PSD3: variants seen among roughly 807,000 people sequenced by gnomAD.
PSD3 encodes the protein pleckstrin and Sec7 domain containing 3, also known as PH and SEC7 domain-containing protein 3.
PSD3 carries 49 observed loss-of-function variants against 105.5 expected under a neutral mutation model. That is an observed-to-expected ratio of 0.46 (90% CI 0.37 to 0.59). The LOEUF is 0.59. PSD3 is among the 20% of genes least tolerant of loss of function. PSD3 has a pLI of 0.00. For missense variants in PSD3, 1,561 were observed against 1,263.8 expected (o/e 1.24, Z -3.57); for synonymous variants, 557 against 457.8 (o/e 1.22, Z -2.77).
chr8:18,751,515 C>T (rs2129438152), intron 9 of PSD3, among the ~76,000 whole-genome samples: 1 of 152,264 alleles, frequency 6.6e-6, no homozygotes, highest in East Asian at 1.9e-4. Context: ...TAGGCACAGG[C>T]CAAATATCTT....
intron 1 of PSD3, among the ~76,000 whole-genome samples, chr8:18,983,152 C>T (rs1402138893): frequency 1.3e-5 from 2 of 152,208 alleles, no homozygotes; most frequent in African/African-American, 4.8e-5. Context: ...CTTCCTTAAA[C>T]CTTATGAACC....
At chr8:18,763,854 C>T (rs1024812584) in intron 9 of PSD3, among the ~76,000 whole-genome samples, 1 of 152,026 alleles carries the variant, frequency 6.6e-6, no homozygotes, top group African/African-American at 2.4e-5. Context: ...TAACCACCAC[C>T]ATTTTCGGTA....
At chr8:18,560,746 A>G (rs1296876814) in intron 14 of PSD3, among the ~76,000 whole-genome samples, 2 of 152,178 alleles carry the variant, frequency 1.3e-5, no homozygotes, top group Non-Finnish European at 2.9e-5. Context: ...ACTCAAAACA[A>G]TACAATAGCA....
intron 3 of PSD3, 77 bp from the exon 4 acceptor site, chr8:18,868,146 G>T: frequency 1.4e-6 from 2 of 1,409,686 alleles, no homozygotes; most frequent in South Asian, 2.8e-5. Context: ...CATATAAAAA[G>T]GACAACATTC....
At chr8:18,577,103 A>G (rs1355250774) in intron 12 of PSD3, among the ~76,000 whole-genome samples, 1 of 151,984 alleles carries the variant, frequency 6.6e-6, no homozygotes, top group Non-Finnish European at 1.5e-5. Flanking sequence ...GAGTTTGGGA[A>G]AGAAGAGTAT....
chr8:19,024,969 C>T (rs1394262318), intron 1 of PSD3, among the ~76,000 whole-genome samples: 1 of 152,082 alleles, frequency 6.6e-6, no homozygotes, highest in African/African-American at 2.4e-5. Flanking sequence ...AATTATCAAT[C>T]CTGAGAAAGG....
At chr8:19,013,080 G>A (rs1267365368) in intron 1 of PSD3, among the ~76,000 whole-genome samples, 2 of 152,142 alleles carry the variant, frequency 1.3e-5, no homozygotes, top group Non-Finnish European at 2.9e-5. Flanking sequence ...TTAAATGCAT[G>A]TAAAACAGAA....
intron 1 of PSD3, among the ~76,000 whole-genome samples, chr8:18,961,190 A>C (rs1009869080): frequency 5.3e-5 from 8 of 152,234 alleles, no homozygotes; most frequent in African/African-American, 1.7e-4. Context: ...GTAACAGAGA[A>C]ATTTTACCTA....
chr8:18,705,424 G>A (rs1024523107), intron 9 of PSD3, among the ~76,000 whole-genome samples: 1 of 150,840 alleles, frequency 6.6e-6, no homozygotes, highest in Admixed American at 6.6e-5. Flanking sequence ...TTAGCTACTT[G>A]GGAGGCTGAG....
chr8:18,554,344 T>TG (rs1800942834), intron 15 of PSD3, among the ~76,000 whole-genome samples: 2 of 152,240 alleles, frequency 1.3e-5, no homozygotes, highest in African/African-American at 4.8e-5. Flanking sequence ...TGAACAAGCC[T>TG]GGGGAAAGAT....
chr8:19,063,461 G>A (rs995333724), intron 1 of PSD3, among the ~76,000 whole-genome samples: 7 of 152,228 alleles, frequency 4.6e-5, no homozygotes, highest in South Asian at 2.1e-4. Context: ...AAATGCTTTC[G>A]ATTTCCTTAG....
intron 8 of PSD3, among the ~76,000 whole-genome samples, chr8:18,795,822 A>G (rs1358834147): frequency 6.6e-6 from 1 of 152,198 alleles, no homozygotes; most frequent in Non-Finnish European, 1.5e-5. Flanking sequence ...AATCTTATCC[A>G]TACCATTTCA....
intron 9 of PSD3, among the ~76,000 whole-genome samples, chr8:18,674,892 T>G (rs2130925894): frequency 6.6e-6 from 1 of 152,024 alleles, no homozygotes; most frequent in Admixed American, 6.5e-5. Flanking sequence ...GCCTAGTTAC[T>G]CAGGAAGTGG....
At chr8:18,638,142 G>A (rs939116845) in intron 10 of PSD3, among the ~76,000 whole-genome samples, 12 of 136,178 alleles carry the variant, frequency 8.8e-5, no homozygotes, top group East Asian at 4.2e-4. Flanking sequence ...GCGACAGAGC[G>A]AGATTCCATC....
chr8:19,053,017 G>A (rs1163417905), intron 1 of PSD3, among the ~76,000 whole-genome samples: 2 of 152,178 alleles, frequency 1.3e-5, no homozygotes, highest in African/African-American at 4.8e-5. Context: ...CCTGGAGCCA[G>A]GGCTTTGGCC....
At chr8:18,752,493 A>ATTTATT in intron 9 of PSD3, among the ~76,000 whole-genome samples, 1 of 16,362 alleles carries the variant, frequency 6.1e-5, no homozygotes, top group Non-Finnish European at 1.6e-4. Flanking sequence ...TATATATATA[A>ATTTATT]TATATATAAT....
intron 8 of PSD3, chr8:18,775,080 G>T: frequency 2.5e-6 from 1 of 403,278 alleles, no homozygotes; most frequent in Admixed American, 2.8e-5. Flanking sequence ...TACTTTTTAA[G>T]CCCCCCCAAG....
chr8:19,026,684 G>A (rs1284641311), intron 1 of PSD3, among the ~76,000 whole-genome samples: 7 of 103,166 alleles, frequency 6.8e-5, no homozygotes, highest in Non-Finnish European at 1.2e-4. Flanking sequence ...GAGCAACATA[G>A]CAAGACCACA....
chr8:18,646,990 G>A lies in PSD3; in HGVS notation c.2216+8652C>T, dbSNP rs574367307. Among the ~76,000 whole-genome samples the A allele has an allele frequency of 2.5e-4, 38 of 152,234 alleles. 2 individuals carry two copies. In the South Asian group the frequency reaches 7.0e-3, roughly 28 times the overall value. The stretch of plus-strand genomic sequence containing the variant: ...ATCAAGGTACCCACATAAAAAACAG[G>A]TAATAGTAATCCCATTGCCTCTATC... On this transcript the variant is annotated intron_variant, in intron 10 of 15. Coordinates refer to ENST00000327040, the MANE Select transcript of PSD3 (RefSeq NM_015310.4).
Sources: gnomAD v4.1 joint callset for allele counts (sites outside exome capture counted in the v4.1 genomes callset) on GRCh38, gnomAD v4.1.1 for gene constraint, MANE v1.5 for transcripts, NCBI Gene and HGNC (gene_info 2026-07-23, HGNC 2026-07-21) for gene names.